The following FBXO34 variants were observed in gnomAD, a reference collection of about 807,000 sequenced individuals.
FBXO34 encodes F-box protein 34.
Under a neutral mutation model 24.5 loss-of-function variants are expected in FBXO34, and 12 were observed. The ratio of observed to expected loss-of-function variants is 0.49; its 90% CI spans 0.31 to 0.79. The LOEUF (loss-of-function observed/expected upper bound fraction) is 0.79, where lower values mean the gene tolerates loss of function less well. Among genes scored for constraint, FBXO34 ranks in the 30% least tolerant of loss-of-function variants. The probability of loss-of-function intolerance (pLI) is 0.04; values close to 1 mark genes in which losing one functional copy is unlikely to be tolerated. For missense variants in FBXO34, 823 were observed against 857.7 expected (o/e 0.96, Z 0.51); for synonymous variants, 320 against 311.9 (o/e 1.03, Z -0.27).
At chr14:55,312,913 A>G (rs1180940457) in intron 1 of FBXO34, among the ~76,000 whole-genome samples, 1 of 152,226 alleles carries the variant, frequency 6.6e-6, no homozygotes, top group African/African-American at 2.4e-5. Flanking sequence ...CATCTTAGCA[A>G]TTAACATTTG....
At chr14:55,367,701 GC>G (rs1358671322) in exon 3 of FBXO34, 1 of 151,562 alleles carries the variant, frequency 6.6e-6, no homozygotes, top group Non-Finnish European at 1.5e-5. Context: ...CGGAGATGGT[GC>G]CACTACACTC....
At chr14:55,283,621 T>C (rs1264116285) in intron 1 of FBXO34, among the ~76,000 whole-genome samples, 2 of 151,924 alleles carry the variant, frequency 1.3e-5, no homozygotes, top group Non-Finnish European at 2.9e-5. Context: ...CCAACCACCA[T>C]GCCCGACTAA....
intron 1 of FBXO34, among the ~76,000 whole-genome samples, chr14:55,317,573 C>T (rs1046017324): frequency 2.0e-5 from 3 of 152,184 alleles, no homozygotes; most frequent in African/African-American, 4.8e-5. Flanking sequence ...ATTATGGATG[C>T]TCTCCTATTC....
downstream of FBXO34, among the ~76,000 whole-genome samples, chr14:55,372,668 C>A (rs1294599971): frequency 6.6e-6 from 1 of 151,846 alleles, no homozygotes; most frequent in Non-Finnish European, 1.5e-5. Context: ...CCTTCCTTCG[C>A]TCCTCCCTGC....
In FBXO34 at chr14:55,353,073, G is replaced by T. The variant is rs1045004; in HGVS notation, c.*547G>T. ...TGGCTGGAGGTGGATTTCATGCCCT[G>T]TGGTGTTTACAGTGTATATAATGGT... On this transcript the variant is annotated 3_prime_UTR_variant, in exon 2 of 2. Coordinates refer to ENST00000313833, the MANE Select transcript of FBXO34 (RefSeq NM_017943.4). The T allele has an allele frequency of 5.9e-6, 1 of 170,540 alleles. No homozygotes were observed. Among genetic ancestry groups the T allele is most frequent in the Non-Finnish European group, 1.4e-5 (1 of 70,362 alleles). 10.6% of individuals were successfully genotyped at this position (170,540 alleles called of 1,614,324 possible). A position where few individuals can be genotyped will look rare whatever the true frequency, so the allele number is the denominator to read the frequency against.
chr14:55,411,782 G>T, the FBXO34 span: 1 of 1,602,686 alleles, frequency 6.2e-7, no homozygotes, highest in Non-Finnish European at 8.5e-7. Context: ...GCAGCCAGGA[G>T]CCTCCAGCGC....
At chr14:55,437,018 C>G in the FBXO34 span, 8 of 1,612,882 alleles carry the variant, frequency 5.0e-6, no homozygotes, top group Non-Finnish European at 5.9e-6. Context: ...GCAAGGCCAT[C>G]CTAGGCAGTT....
At chr14:55,400,197 T>G in the FBXO34 span, among the ~76,000 whole-genome samples, 15 of 152,280 alleles carry the variant, frequency 9.9e-5, no homozygotes, top group East Asian at 2.9e-3. Flanking sequence ...ATCCCACCAC[T>G]CACAGAAGGA....
intron 1 of FBXO34, among the ~76,000 whole-genome samples, chr14:55,312,461 C>G (rs1277233206): frequency 1.3e-5 from 2 of 152,184 alleles, no homozygotes; most frequent in African/African-American, 4.8e-5. Flanking sequence ...CACAGCTCAA[C>G]TAGGCAGTAC....
chr14:55,318,633 G>A (rs1271914521), intron 1 of FBXO34, among the ~76,000 whole-genome samples: 1 of 150,642 alleles, frequency 6.6e-6, no homozygotes, highest in African/African-American at 2.4e-5. Context: ...ACAAAGTTTT[G>A]GGATTATAAG....
Position 55,350,729 on chromosome 14 carries a change from T to C in FBXO34, c.339T>C (p.Pro113=). ...TTGATATCTGGGCTGTTGTGAAACC[T>C]GGAAATACCAAGGAAAAAATTGCAT... ...GPLDIWAVVK[P]GNTKEKIAFF... Residue 113 remains proline (P), a synonymous_variant, in exon 2 of 2, where the codon CCT becomes CCC. Transcript: ENST00000313833. The C allele has an allele frequency of 1.9e-6, 3 of 1,611,766 alleles. No homozygotes were observed. Among genetic ancestry groups the C allele is most frequent in the Non-Finnish European group, 1.7e-6 (2 of 1,179,438 alleles).
intron 1 of FBXO34, among the ~76,000 whole-genome samples, chr14:55,297,095 C>A (rs995862819): frequency 4.6e-5 from 7 of 152,146 alleles, no homozygotes; most frequent in African/African-American, 1.7e-4. Flanking sequence ...CTTTACAGTA[C>A]ACGTGGCTGG....
chr14:55,414,377 G>T, the FBXO34 span: 1 of 1,596,738 alleles, frequency 6.3e-7, no homozygotes, highest in East Asian at 2.2e-5. Flanking sequence ...TGAATGATAT[G>T]CTCAGGCTTT....
intron 1 of FBXO34, among the ~76,000 whole-genome samples, chr14:55,305,155 A>T (rs1257231239): frequency 6.6e-6 from 1 of 152,218 alleles, no homozygotes; most frequent in Non-Finnish European, 1.5e-5. Flanking sequence ...GCTCATGCCT[A>T]TAATCCCGAC....
At chr14:55,428,941 A>G in the FBXO34 span, 6 of 1,614,200 alleles carry the variant, frequency 3.7e-6, no homozygotes, top group Admixed American at 1.7e-5. Context: ...CCACACGAGC[A>G]TATTTTCTTG....
At chr14:55,315,654 G>A (rs1882902414) in intron 1 of FBXO34, among the ~76,000 whole-genome samples, 1 of 152,100 alleles carries the variant, frequency 6.6e-6, no homozygotes. Context: ...TTTTCCTTTG[G>A]AATTTTAAAG....
chr14:55,284,312 G>A (rs1273325965), intron 1 of FBXO34, among the ~76,000 whole-genome samples: 3 of 151,978 alleles, frequency 2.0e-5, no homozygotes, highest in Admixed American at 6.6e-5. Context: ...TCAGGAGTTC[G>A]AGACCAGCCT....
chr14:55,375,588 C>T, the FBXO34 span, among the ~76,000 whole-genome samples: 1 of 150,454 alleles, frequency 6.6e-6, no homozygotes, highest in Non-Finnish European at 1.5e-5. Context: ...AAGTGATCCT[C>T]CCACTTCAGC....
intron 1 of FBXO34, among the ~76,000 whole-genome samples, chr14:55,278,088 C>G (rs1331563095): frequency 2.6e-5 from 4 of 151,988 alleles, no homozygotes; most frequent in Non-Finnish European, 5.9e-5. Flanking sequence ...AGTTTAACTT[C>G]CTTGGGTAGG....
Sources: gnomAD v4.1 joint callset for allele counts (sites outside exome capture counted in the v4.1 genomes callset) on GRCh38, gnomAD v4.1.1 for gene constraint, MANE v1.5 for transcripts, NCBI Gene and HGNC (gene_info 2026-07-23, HGNC 2026-07-21) for gene names.